WDPCP: variants seen among roughly 807,000 people sequenced by gnomAD.
The protein encoded by WDPCP is WD repeat containing planar cell polarity effector, also known as WD repeat-containing and planar cell polarity effector protein fritz homolog.
WDPCP carries 71 observed loss-of-function variants against 93.1 expected under a neutral mutation model. The ratio of observed to expected loss-of-function variants is 0.76; its 90% confidence interval spans 0.63 to 0.93. The LOEUF (loss-of-function observed/expected upper bound fraction) is 0.93. Ranked by LOEUF, WDPCP falls within the 40% of genes least tolerant of loss-of-function variation. WDPCP has a pLI of 0.00. For synonymous variants in WDPCP, 315 were observed against 315.0 expected (o/e 1.00, Z 0.00); for missense variants, 844 against 887.4 (o/e 0.95, Z 0.62).
At chr2:63,787,252 G>A (rs938298477) in intron 2 of WDPCP, among the ~76,000 whole-genome samples, 18 of 152,216 alleles carry the variant, frequency 1.2e-4, no homozygotes, top group African/African-American at 4.1e-4. Context: ...CCCCTGTGGG[G>A]AAGTGTGCCT....
In WDPCP at chr2:63,575,390, GTATATACAGTA is replaced by G. The variant is rs1361711707; in HGVS notation, c.75+12796_75+12806del. Among the ~76,000 whole-genome samples, 4 of 81,338 alleles carry G rather than the reference GTATATACAGTA, an allele frequency of 4.9e-5. No homozygotes were observed. The East Asian group carries it at 1.0e-3, about 21-fold the overall frequency. 53.4% of individuals were successfully genotyped at this position (81,338 alleles called of 152,430 possible). A position where few individuals can be genotyped will look rare whatever the true frequency, so the allele number is the denominator to read the frequency against. ...ATACAGTATATACAGTATATACACGGTATATACAGTATATATACAGTATATACACTGTATAC... is the reference window on the plus strand; with the variant it reads ...ATACAGTATATACAGTATATACACGGTATATACAGTATATACACTGTATAC... On this transcript the variant is annotated intron_variant, in intron 1 of 17. Coordinates refer to ENST00000272321, the MANE Select transcript of WDPCP (RefSeq NM_015910.7).
At chr2:63,337,545 T>C (rs1355927059) in intron 12 of WDPCP, among the ~76,000 whole-genome samples, 1 of 152,216 alleles carries the variant, frequency 6.6e-6, no homozygotes, top group African/African-American at 2.4e-5. Flanking sequence ...CTGAATTATA[T>C]AGTAGTTCTG....
intron 14 of WDPCP, among the ~76,000 whole-genome samples, chr2:63,241,355 G>A (rs953567827): frequency 6.6e-6 from 1 of 152,162 alleles, no homozygotes; most frequent in African/African-American, 2.4e-5. Context: ...AAGTAGATTG[G>A]CAGGAATATA....
chr2:63,820,433 C>T (rs2104123733), intron 1 of WDPCP, among the ~76,000 whole-genome samples: 1 of 152,210 alleles, frequency 6.6e-6, no homozygotes, highest in Non-Finnish European at 1.5e-5. Context: ...ACCTAACTAG[C>T]TAGAGGATAA....
chr2:63,721,916 A>G (rs1669421410), intron 2 of WDPCP, among the ~76,000 whole-genome samples: 1 of 152,072 alleles, frequency 6.6e-6, no homozygotes, highest in Admixed American at 6.5e-5. Context: ...GTTTTGGTGG[A>G]GATGGGGTTT....
chr2:63,831,098 C>T (rs576992137), upstream of WDPCP, among the ~76,000 whole-genome samples: 1 of 152,260 alleles, frequency 6.6e-6, no homozygotes, highest in East Asian at 1.9e-4. Context: ...TCTTCCTTTT[C>T]ATTCCCTCCT....
chr2:63,263,951 G>A (rs1681868873), intron 13 of WDPCP, among the ~76,000 whole-genome samples: 1 of 152,160 alleles, frequency 6.6e-6, no homozygotes. Flanking sequence ...CAGATACAGA[G>A]ATGAATTTTC....
At chr2:63,641,089 C>A (rs1201185082) in intron 3 of WDPCP, among the ~76,000 whole-genome samples, 2 of 152,116 alleles carry the variant, frequency 1.3e-5, no homozygotes, top group African/African-American at 2.4e-5. Flanking sequence ...TCTGTGCCTG[C>A]CTTTTTTCAC....
chr2:63,253,922 C>T (rs1680933839), intron 14 of WDPCP, among the ~76,000 whole-genome samples: 1 of 152,134 alleles, frequency 6.6e-6, no homozygotes, highest in Non-Finnish European at 1.5e-5. Context: ...CAAAAAGACA[C>T]ATGCACTTGT....
chr2:63,505,386 G>T (rs1485821756), intron 1 of WDPCP, among the ~76,000 whole-genome samples: 2 of 151,844 alleles, frequency 1.3e-5, no homozygotes, highest in African/African-American at 4.8e-5. Flanking sequence ...GATCAATTTC[G>T]CCGTACTATA....
chr2:63,657,283 C>G (rs1299948264), intron 2 of WDPCP, among the ~76,000 whole-genome samples: 1 of 149,212 alleles, frequency 6.7e-6, no homozygotes, highest in Non-Finnish European at 1.5e-5. Context: ...CGACTCACTG[C>G]AAGCTCCGCC....
intron 1 of WDPCP, among the ~76,000 whole-genome samples, chr2:63,504,324 TTGTGTGTGTG>T (rs60202196): frequency 0.026 from 3,593 of 138,098 alleles, 71 homozygotes; most frequent in African/African-American, 0.058. Flanking sequence ...ACGTACTAAA[TTGTGTGTGTG>T]TGTGTGTGTG....
chr2:63,809,039 G>A lies in WDPCP; in HGVS notation n.308+4583C>T, dbSNP rs182857332. 2.1e-3 allele frequency among the ~76,000 whole-genome samples: 321 copies of A among 151,726 alleles called. 3 individuals carry two copies. Among genetic ancestry groups the A allele is most frequent in the Admixed American group, 0.016 (237 of 15,274 alleles). ...AGCACCTCTACCCGGCCGGGACCCC[G>A]TCTGGGAGGTGAGGAGCGTCTCTGA... On this transcript the variant is annotated intron_variant and non_coding_transcript_variant, in intron 2 of 4. Transcript: ENST00000467687.
chr2:63,158,129 CTATT>C (rs1217526102), intron 15 of WDPCP, among the ~76,000 whole-genome samples: 2 of 151,834 alleles, frequency 1.3e-5, no homozygotes, highest in Admixed American at 1.3e-4. Context: ...AGAATTTTCT[CTATT>C]TCTTTCTGTT....
intron 3 of WDPCP, among the ~76,000 whole-genome samples, chr2:63,623,369 A>G (rs1280911032): frequency 6.6e-6 from 1 of 152,242 alleles, no homozygotes; most frequent in African/African-American, 2.4e-5. Flanking sequence ...AAATGCCCCA[A>G]TTAAAAGACA....
rs958515509 is a variant in WDPCP, at chr2:63,399,355, C to T, written c.1435+4693G>A. Among the ~76,000 whole-genome samples, 3 of 152,048 alleles carry T rather than the reference C, an allele frequency of 2.0e-5. No homozygotes were observed. In the South Asian group the frequency reaches 6.2e-4, roughly 32 times the overall value. ...CAGGGAGACAGTCCAATTAAGTTTACAAGCTGGCAATTAGCAGGAAGCCCT... is the reference window on the plus strand; with the variant it reads ...CAGGGAGACAGTCCAATTAAGTTTATAAGCTGGCAATTAGCAGGAAGCCCT... On this transcript the variant is annotated intron_variant, in intron 10 of 17. Transcript: ENST00000272321.
intron 1 of WDPCP, among the ~76,000 whole-genome samples, chr2:63,562,241 C>T (rs1706683020): frequency 6.6e-6 from 1 of 152,058 alleles, no homozygotes; most frequent in African/African-American, 2.4e-5. Flanking sequence ...AAGCCAGAAG[C>T]CATTATCCTC....
At chr2:63,526,688 A>G (rs1254824932) in intron 1 of WDPCP, among the ~76,000 whole-genome samples, 1 of 152,166 alleles carries the variant, frequency 6.6e-6, no homozygotes, top group Non-Finnish European at 1.5e-5. Flanking sequence ...TGGTTTTTAC[A>G]TGGCTGGCTG....
chr2:63,168,968 T>C (rs1559170617), intron 15 of WDPCP: 1 of 152,228 alleles, frequency 6.6e-6, no homozygotes, highest in Non-Finnish European at 1.5e-5. Flanking sequence ...AACCTTTTAT[T>C]ATGTGGCATA....
Sources: gnomAD v4.1 joint callset for allele counts (sites outside exome capture counted in the v4.1 genomes callset) on GRCh38, gnomAD v4.1.1 for gene constraint, MANE v1.5 for transcripts, NCBI Gene and HGNC (gene_info 2026-07-23, HGNC 2026-07-21) for gene names.